The following SEMA3E variants were observed in gnomAD, a reference collection of about 807,000 sequenced individuals.
The protein encoded by SEMA3E is semaphorin-3E.
A neutral mutation model predicts 93.6 loss-of-function variants in SEMA3E; 49 were observed. That is an observed-to-expected ratio of 0.52 (90% confidence interval 0.42 to 0.66). The LOEUF (loss-of-function observed/expected upper bound fraction) is 0.66, where lower values mean the gene tolerates loss of function less well. Among genes scored for constraint, SEMA3E ranks in the 30% least tolerant of loss-of-function variants. The pLI is 0.00. For synonymous variants in SEMA3E, 363 were observed against 330.7 expected (o/e 1.10, Z -1.06); for missense variants, 906 against 964.8 (o/e 0.94, Z 0.81).
rs528528186 is a variant in SEMA3E, at chr7:83,440,157, G to T, written c.457-21674C>A. On this transcript the variant is annotated intron_variant, in intron 4 of 16. Transcript: ENST00000643230. ...TCTAAGTTCATGGTAATCCTCCAAA[G>T]AACAGCAGAGGGTAGAAACTGTGTT... is the stretch of plus-strand genomic sequence containing the variant. 4.6e-5 allele frequency among the ~76,000 whole-genome samples: 7 copies of T among 152,236 alleles called. No homozygotes were observed. In the South Asian group the frequency reaches 1.5e-3, roughly 32 times the overall value.
At chr7:83,534,263 G>A (rs1045929978) in intron 1 of SEMA3E, among the ~76,000 whole-genome samples, 4 of 152,172 alleles carry the variant, frequency 2.6e-5, no homozygotes, top group East Asian at 1.9e-4. Context: ...GGCCAATTAC[G>A]TCTGTTGGGA....
chr7:83,466,366 T>C (rs1789755352), intron 4 of SEMA3E, 116 bp downstream of exon 4: 1 of 1,242,394 alleles, frequency 8.0e-7, no homozygotes, highest in South Asian at 1.2e-5. Context: ...AGCAAACTGA[T>C]TCAGTACATC....
intron 1 of SEMA3E, among the ~76,000 whole-genome samples, chr7:83,559,720 T>C (rs553140109): frequency 6.6e-6 from 1 of 152,178 alleles, no homozygotes; most frequent in Admixed American, 6.6e-5. Context: ...CACTCCTTGG[T>C]ATTTACACAA....
At chr7:83,519,832 C>T (rs924091782) in intron 1 of SEMA3E, among the ~76,000 whole-genome samples, 1 of 152,042 alleles carries the variant, frequency 6.6e-6, no homozygotes, top group Non-Finnish European at 1.5e-5. Context: ...CTTATCTTTG[C>T]TATTTTGCAG....
intron 1 of SEMA3E, among the ~76,000 whole-genome samples, chr7:83,618,726 AT>A (rs1283041584): frequency 1.3e-5 from 2 of 151,988 alleles, no homozygotes; most frequent in Non-Finnish European, 2.9e-5. Flanking sequence ...TCAACTAGGT[AT>A]TCAAGAGAAA....
chr7:83,515,367 G>T (rs932870254), intron 1 of SEMA3E, among the ~76,000 whole-genome samples: 1 of 151,406 alleles, frequency 6.6e-6, no homozygotes, highest in African/African-American at 2.4e-5. Context: ...AAGATGAGTT[G>T]TTCTCCTTTG....
intron 1 of SEMA3E, among the ~76,000 whole-genome samples, chr7:83,564,803 G>T (rs1792107875): frequency 6.6e-6 from 1 of 152,116 alleles, no homozygotes; most frequent in Non-Finnish European, 1.5e-5. Context: ...CTAAAAAAAG[G>T]ATACAAATAA....
intron 1 of SEMA3E, among the ~76,000 whole-genome samples, chr7:83,645,752 C>T (rs1443002376): frequency 1.3e-5 from 2 of 148,862 alleles, no homozygotes; most frequent in African/African-American, 5.0e-5. Context: ...TCTCTCTCTG[C>T]CTTTTCTCCT....
intron 1 of SEMA3E, among the ~76,000 whole-genome samples, chr7:83,644,763 T>C (rs1794058714): frequency 6.6e-6 from 1 of 151,984 alleles, no homozygotes; most frequent in Non-Finnish European, 1.5e-5. Context: ...GATACACTAA[T>C]TAACACTCTA....
At chr7:83,638,348 G>C (rs556082392) in intron 1 of SEMA3E, among the ~76,000 whole-genome samples, 3 of 152,042 alleles carry the variant, frequency 2.0e-5, no homozygotes, top group African/African-American at 7.2e-5. Context: ...GGGATGAAGT[G>C]GTAAGCGACA....
At chr7:83,500,238 C>A (rs1031372943) in intron 1 of SEMA3E, among the ~76,000 whole-genome samples, 1 of 152,108 alleles carries the variant, frequency 6.6e-6, no homozygotes, top group Non-Finnish European at 1.5e-5. Context: ...GAGTTCAAGA[C>A]CAGTCTGGCC....
chr7:83,469,242 C>G lies in SEMA3E; in HGVS notation c.336+1G>C. 1.9e-6 allele frequency: 3 copies of G among 1,604,548 alleles called. No homozygotes were observed. The highest frequency in any genetic ancestry group is 2.6e-6 in the Non-Finnish European group (3 of 1,171,922). ...TTTAATTTACAATGAATCATACTTA[C>G]CGCATCTTTTCCCTTCATTATGCAT... On this transcript the variant is annotated splice_donor_variant, in intron 3 of 16. Transcript: ENST00000643230. LOFTEE classifies it high-confidence loss of function.
intron 1 of SEMA3E, among the ~76,000 whole-genome samples, chr7:83,550,857 C>T (rs1218186089): frequency 1.3e-5 from 2 of 151,988 alleles, no homozygotes; most frequent in African/African-American, 4.8e-5. Flanking sequence ...AAACATCCCA[C>T]TAGAAAAAAT....
intron 1 of SEMA3E, among the ~76,000 whole-genome samples, chr7:83,494,724 T>C (rs979572262): frequency 2.0e-5 from 3 of 151,972 alleles, no homozygotes; most frequent in African/African-American, 7.2e-5. Flanking sequence ...AAGGGCTTAT[T>C]ATTTAGTTTG....
chr7:83,523,310 A>T (rs1454157299), intron 1 of SEMA3E, among the ~76,000 whole-genome samples: 1 of 152,108 alleles, frequency 6.6e-6, no homozygotes, highest in African/African-American at 2.4e-5. Context: ...TGAAAGAGTG[A>T]TCTCAAGAGA....
intron 1 of SEMA3E, among the ~76,000 whole-genome samples, chr7:83,627,930 CAT>C (rs1793704990): frequency 1.3e-5 from 2 of 151,936 alleles, no homozygotes; most frequent in Admixed American, 6.6e-5. Context: ...TTTACATTTT[CAT>C]ATGTTTTTGC....
chr7:83,547,670 T>G (rs1441312668), intron 1 of SEMA3E, among the ~76,000 whole-genome samples: 1 of 152,130 alleles, frequency 6.6e-6, no homozygotes, highest in Non-Finnish European at 1.5e-5. Flanking sequence ...TGTTTAACCT[T>G]AGGAAATTGG....
At chr7:83,528,438 GA>G (rs1791213416) in intron 1 of SEMA3E, among the ~76,000 whole-genome samples, 2 of 152,214 alleles carry the variant, frequency 1.3e-5, no homozygotes, top group Admixed American at 1.3e-4. Flanking sequence ...TGAGAGATCA[GA>G]CCATGAAAAT....
At chr7:83,412,180 G>A (rs531870627) in intron 5 of SEMA3E, among the ~76,000 whole-genome samples, 33 of 152,130 alleles carry the variant, frequency 2.2e-4, no homozygotes, top group Admixed American at 7.2e-4. Context: ...GTTATTGTCC[G>A]CTTTTTCCAT....
Sources: gnomAD v4.1 joint callset for allele counts (sites outside exome capture counted in the v4.1 genomes callset) on GRCh38, gnomAD v4.1.1 for gene constraint, MANE v1.5 for transcripts, NCBI Gene and HGNC (gene_info 2026-07-23, HGNC 2026-07-21) for gene names.